C2orf92: variants seen among roughly 807,000 people sequenced by gnomAD.
C2orf92 encodes uncharacterized protein C2orf92.
chr2:97,692,726 C>T lies in C2orf92; in HGVS notation c.403+2399C>T, dbSNP rs144832667. On this transcript the variant is annotated intron_variant, in intron 5 of 7. Transcript: ENST00000627399. Reference sequence around the variant, plus strand: ...TGCCCAGCCAGTTTTACATCTTTACCTATTGTTATGCCTCTACCTGATTTA... The same window carrying T: ...TGCCCAGCCAGTTTTACATCTTTACTTATTGTTATGCCTCTACCTGATTTA... 3.7e-4 allele frequency among the ~76,000 whole-genome samples: 57 copies of T among 152,288 alleles called. 1 individual carries two copies. In the East Asian group the frequency reaches 0.011, roughly 29 times the overall value.
intron 3 of C2orf92, among the ~76,000 whole-genome samples, chr2:97,680,629 A>G (rs1675737305): frequency 6.6e-6 from 1 of 152,188 alleles, no homozygotes; most frequent in Non-Finnish European, 1.5e-5. Flanking sequence ...AATAATGAAT[A>G]GAACTAGACA....
rs1156933880 is a variant in C2orf92 at position 97,699,088 on chromosome 2, C to A, written c.466C>A (p.Gln156Lys). The change falls in exon 6 of 8, where the codon CAG becomes AAG. Residue 156 changes from glutamine (Q) to lysine (K), a missense_variant. Coordinates refer to ENST00000627399, the MANE Select transcript of C2orf92 (RefSeq NM_001351368.2). ...TCTGTTCGACAGGGATTTAAGAGAG[C>A]AGTTAACTACTATAGATAAAGAAAC... is the stretch of plus-strand genomic sequence containing the variant. The part of the protein sequence containing the change: ...SCLFDRDLRE[Q>K]LTTIDKETLQ... 1 of 398,436 alleles carries A rather than the reference C, an allele frequency of 2.5e-6. No homozygotes were observed. Among genetic ancestry groups the A allele is most frequent in the South Asian group, 1.3e-4 (1 of 7,864 alleles). The allele number at this position is 398,436 out of a possible 1,614,324, so 24.7% of individuals were successfully genotyped here.
At chr2:97,694,416 T>TTTTC (rs1676242511) in intron 5 of C2orf92, 1 of 110,288 alleles carries the variant, frequency 9.1e-6, no homozygotes. Flanking sequence ...GCCCGGCTAA[T>TTTTC]TTTTTTTTTT....
chr2:97,677,594 T>G, intron 3 of C2orf92: 1 of 152,244 alleles, frequency 6.6e-6, no homozygotes, highest in Non-Finnish European at 1.5e-5. Flanking sequence ...AAGAGAGGAT[T>G]AGATTTCCAG....
intron 5 of C2orf92, among the ~76,000 whole-genome samples, chr2:97,691,344 C>T (rs971860056): frequency 1.3e-5 from 2 of 152,170 alleles, no homozygotes; most frequent in African/African-American, 2.4e-5. Flanking sequence ...GTCCTTCCCC[C>T]GCTGGGGTGG....
At chr2:97,679,174 G>A (rs1379308867) in intron 3 of C2orf92, among the ~76,000 whole-genome samples, 18 of 147,682 alleles carry the variant, frequency 1.2e-4, no homozygotes, top group Non-Finnish European at 8.9e-5. Context: ...CTTGACATAA[G>A]AAAAAAAAAA....
intron 5 of C2orf92, among the ~76,000 whole-genome samples, chr2:97,693,984 G>A (rs1255979872): frequency 6.6e-6 from 1 of 152,008 alleles, no homozygotes; most frequent in Non-Finnish European, 1.5e-5. Context: ...TCATAATGTT[G>A]TGCAACCATC....
chr2:97,680,902 G>A (rs1573210604), intron 3 of C2orf92, among the ~76,000 whole-genome samples: 1 of 151,880 alleles, frequency 6.6e-6, no homozygotes, highest in South Asian at 2.1e-4. Context: ...CTCCAGCCTG[G>A]GAGACAGAGC....
chr2:97,690,465 C>T (rs939656890), intron 5 of C2orf92, 138 bp downstream of exon 5: 2 of 376,110 alleles, frequency 5.3e-6, no homozygotes, highest in Admixed American at 9.1e-5. Flanking sequence ...ACTGCAAACT[C>T]TGCCTCCCAG....
chr2:97,685,075 G>A (rs556820725), intron 3 of C2orf92, among the ~76,000 whole-genome samples: 2 of 151,284 alleles, frequency 1.3e-5, no homozygotes, highest in Admixed American at 6.6e-5. Context: ...GACTACAGGC[G>A]CCCGCCACCA....
rs1269303351 is a variant in C2orf92, at chr2:97,690,284, A to G, written c.360A>G (p.Lys120=). The part of the protein sequence containing the change: ...KGTSIAWNSP[K]PEYFLGSVDK... ...CCAGCATTGCTTGGAATTCTCCTAA[A>G]CCAGAATATTTCCTTGGCAGTGTGG... Residue 120 remains lysine, a synonymous_variant, in exon 5 of 8, where the codon AAA becomes AAG. Transcript: ENST00000627399. 1 of 399,004 alleles carries G rather than the reference A, an allele frequency of 2.5e-6. No homozygotes were observed. Among genetic ancestry groups the G allele is most frequent in the Non-Finnish European group, 4.4e-6 (1 of 226,040 alleles). The allele number at this position is 399,004 out of a possible 1,614,324, so 24.7% of individuals were successfully genotyped here. A position where few individuals can be genotyped will look rare whatever the true frequency, so the allele number is the denominator to read the frequency against.
At chr2:97,678,657 T>G (rs1437564908) in intron 3 of C2orf92, among the ~76,000 whole-genome samples, 2 of 151,924 alleles carry the variant, frequency 1.3e-5, no homozygotes, top group African/African-American at 4.8e-5. Flanking sequence ...GGATGGCACA[T>G]TCAAAGTTCT....
upstream of C2orf92, chr2:97,669,700 T>A (rs1573197231): frequency 7.5e-6 from 3 of 397,998 alleles, no homozygotes; most frequent in East Asian, 1.1e-4. Context: ...ACCGTTAGGT[T>A]CCGTGGTACC....
At chr2:97,692,271 A>C (rs1676163111) in intron 5 of C2orf92, among the ~76,000 whole-genome samples, 1 of 152,086 alleles carries the variant, frequency 6.6e-6, no homozygotes, top group Non-Finnish European at 1.5e-5. Flanking sequence ...CTATTGTAAG[A>C]GAGGGGGTTT....
At chr2:97,696,201 G>A (rs1188105725) in intron 5 of C2orf92, among the ~76,000 whole-genome samples, 1 of 152,276 alleles carries the variant, frequency 6.6e-6, no homozygotes. Context: ...GTAATCGCAC[G>A]GAGTTCTGGG....
chr2:97,675,664 T>A (rs951614006), intron 2 of C2orf92, 181 bp from the exon 3 acceptor site: 1 of 395,580 alleles, frequency 2.5e-6, no homozygotes, highest in African/African-American at 2.1e-5. Context: ...CCTGGTGTTG[T>A]GTTGGAACTT....
At chr2:97,700,279 G>A (rs1456022629) in intron 6 of C2orf92, among the ~76,000 whole-genome samples, 6 of 152,184 alleles carry the variant, frequency 3.9e-5, no homozygotes, top group Admixed American at 6.5e-5. Context: ...TGTTTGCCTC[G>A]TGCTGGTGCA....
intron 3 of C2orf92, among the ~76,000 whole-genome samples, chr2:97,678,535 C>T (rs928711918): frequency 1.3e-5 from 2 of 152,056 alleles, no homozygotes; most frequent in Non-Finnish European, 2.9e-5. Context: ...AAAATCCAGA[C>T]ACAAAGAGAA....
rs764457252 is a variant in C2orf92, at chr2:97,690,301, G to T, written c.377G>T (p.Gly126Val). 5 of 398,798 alleles carry T rather than the reference G, an allele frequency of 1.3e-5. No individual in the cohort carries two copies. The highest frequency in any genetic ancestry group is 2.2e-5 in the Non-Finnish European group (5 of 226,034). The allele number at this position is 398,798 out of a possible 1,614,324, so 24.7% of individuals were successfully genotyped here. A position where few individuals can be genotyped will look rare whatever the true frequency, so the allele number is the denominator to read the frequency against. Residue 126 changes from glycine to valine, a missense_variant, in exon 5 of 8, where the codon GGC (glycine) becomes GTC (valine). Coordinates refer to ENST00000627399, the MANE Select transcript of C2orf92 (RefSeq NM_001351368.2). The part of the protein sequence containing the change: ...WNSPKPEYFL[G>V]SVDKIPDKDH... ...TCTCCTAAACCAGAATATTTCCTTG[G>T]CAGTGTGGACAAAATTCCTGATAAA...
Sources: gnomAD v4.1 joint callset for allele counts (sites outside exome capture counted in the v4.1 genomes callset) on GRCh38, gnomAD v4.1.1 for gene constraint, MANE v1.5 for transcripts, NCBI Gene and HGNC (gene_info 2026-07-23, HGNC 2026-07-21) for gene names.